KCNIP2: variants seen among roughly 807,000 people sequenced by gnomAD.
KCNIP2 encodes the protein potassium voltage-gated channel interacting protein 2.
KCNIP2 carries 19 observed loss-of-function variants against 39.0 expected under a neutral mutation model. The ratio of observed to expected loss-of-function variants is 0.49; its 90% CI spans 0.34 to 0.71. KCNIP2 has a LOEUF of 0.71. Among genes scored for constraint, KCNIP2 ranks in the 30% least tolerant of loss-of-function variants. The pLI, the probability that KCNIP2 is intolerant of heterozygous loss-of-function variation, is 0.01. For missense variants in KCNIP2, 261 were observed against 346.0 expected (o/e 0.75, Z 1.95); for synonymous variants, 111 against 131.2 (o/e 0.85, Z 1.05).
intron 1 of KCNIP2, chr10:101,834,203 C>T (rs560515224): frequency 1.3e-4 from 51 of 399,126 alleles, no homozygotes; most frequent in African/African-American, 1.0e-3. Flanking sequence ...AACACCCTCC[C>T]TAGTGCTGTG....
At chr10:101,836,256 A>C (rs1259551570) in intron 1 of KCNIP2, among the ~76,000 whole-genome samples, 3 of 149,764 alleles carry the variant, frequency 2.0e-5, no homozygotes, top group Admixed American at 1.3e-4. Flanking sequence ...ATGACGCTTC[A>C]CACAGGCTTT....
At chr10:101,829,577 C>G (rs2065886435) in intron 3 of KCNIP2, 1 of 485,062 alleles carries the variant, frequency 2.1e-6, no homozygotes, top group Non-Finnish European at 3.6e-6. Context: ...CGGGGACCAA[C>G]TCAGATCCGC....
Position 101,831,150 on chromosome 10 carries a change from T to C in KCNIP2, c.91A>G (p.Thr31Ala), listed in dbSNP as rs751058723. 1.2e-5 allele frequency: 19 copies of C among 1,608,638 alleles called. No individual in the cohort carries two copies. The Admixed American group carries it at 1.9e-4, about 16-fold the overall frequency. Reference sequence around the variant, plus strand: ...AATCGCTGCTTCAGCGCTTTTTTAGTGGGCCCTGGAGGGTGGCCTGGGAAG... The same window carrying C: ...AATCGCTGCTTCAGCGCTTTTTTAGCGGGCCCTGGAGGGTGGCCTGGGAAG... ...DQLTGHPPGP[T>A]KKALKQRFLK... The change falls in exon 2 of 10, where the codon ACT becomes GCT. Residue 31 changes from threonine (T) to alanine (A), a missense_variant. Coordinates refer to ENST00000356640, the MANE Select transcript of KCNIP2 (RefSeq NM_173191.3).
At chr10:101,827,844 C>T in intron 8 of KCNIP2, 45 bp downstream of exon 8, 5 of 1,559,788 alleles carry the variant, frequency 3.2e-6, no homozygotes, top group Non-Finnish European at 3.5e-6. Flanking sequence ...TCTTGGCCTT[C>T]TTCCCTTCAC....
At chr10:101,839,098 A>G (rs917598313) in intron 1 of KCNIP2, among the ~76,000 whole-genome samples, 2 of 152,222 alleles carry the variant, frequency 1.3e-5, no homozygotes, top group African/African-American at 4.8e-5. Flanking sequence ...AGGTACACAC[A>G]GTCTCAGTGT....
chr10:101,836,274 CTTTTTTT>C (rs976487755), intron 1 of KCNIP2, among the ~76,000 whole-genome samples: 1 of 124,660 alleles, frequency 8.0e-6, no homozygotes, highest in Admixed American at 8.3e-5. Flanking sequence ...TTTTTTTTCT[CTTTTTTT>C]TTTTTTTTTT....
Position 101,838,734 on chromosome 10 carries a change from T to G in KCNIP2, c.73+4762A>C, listed in dbSNP as rs2066234269. Among the ~76,000 whole-genome samples the G allele has an allele frequency of 6.6e-6, 1 of 152,098 alleles. No homozygotes were observed. Among genetic ancestry groups the G allele is most frequent in the Non-Finnish European group, 1.5e-5 (1 of 68,002 alleles). ...CAGGACCATCCATCTACCCTCCTTT[T>G]GGGGGACAGATGGCAAGGAGAGGCC... On this transcript the variant is annotated intron_variant, in intron 1 of 9. Coordinates refer to ENST00000356640, the MANE Select transcript of KCNIP2 (RefSeq NM_173191.3). This position sits in a 1 kb window ranked among gnomAD's most constrained non-coding sequence, Gnocchi z 4.0.
chr10:101,828,270 G>A lies in KCNIP2; in HGVS notation c.490-12C>T. ...CCAGCCACAAAGTCCTGGGAAGGAG[G>A]CAGGAGGGAGCTGTGTCCTCGGGTA... On this transcript the variant is annotated splice_polypyrimidine_tract_variant and intron_variant, in intron 6 of 9. Transcript: ENST00000356640. This position sits in a 1 kb window ranked among gnomAD's most constrained non-coding sequence, Gnocchi z 6.6. 6.2e-7 allele frequency: 1 copy of A among 1,612,656 alleles called. No individual in the cohort carries two copies. The highest frequency in any genetic ancestry group is 8.5e-7 in the Non-Finnish European group (1 of 1,178,646).
chr10:101,832,756 C>T (rs2066038472), intron 1 of KCNIP2, among the ~76,000 whole-genome samples: 1 of 152,174 alleles, frequency 6.6e-6, no homozygotes, highest in Non-Finnish European at 1.5e-5. Context: ...GGTGGCTCTC[C>T]TGCCCCCCAC....
In KCNIP2 at chr10:101,828,524, C is replaced by A. The variant is rs1055613832; in HGVS notation, c.419-65G>T. On this transcript the variant is annotated intron_variant, in intron 5 of 9. Coordinates refer to ENST00000356640, the MANE Select transcript of KCNIP2 (RefSeq NM_173191.3). The surrounding 1 kb of genome is among the most constrained non-coding windows in gnomAD (Gnocchi z 6.6). ...GAGGACTTCCTCCCTCTAAGGAGCTCCCCATACCCCCCATCACCTTGGCAT... is the reference window on the plus strand; with the variant it reads ...GAGGACTTCCTCCCTCTAAGGAGCTACCCATACCCCCCATCACCTTGGCAT... 6.3e-7 allele frequency: 1 copy of A among 1,596,104 alleles called. No homozygotes were observed. The highest frequency in any genetic ancestry group is 1.3e-5 in the African/African-American group (1 of 74,624).
Position 101,828,636 on chromosome 10 carries a change from G to A in KCNIP2, c.409C>T (p.Pro137Ser), listed in dbSNP as rs2065835872. The change falls in exon 5 of 10, where the codon CCT becomes TCT. Residue 137 changes from proline to serine, a missense_variant. Coordinates refer to ENST00000356640, the MANE Select transcript of KCNIP2 (RefSeq NM_173191.3). This position sits in a 1 kb window ranked among gnomAD's most constrained non-coding sequence, Gnocchi z 6.6. ...GGCCTTGTCCCCTCACCTCCTTGAG[G>A]AAAGAACTGGGAGTAAATCTGCTTG... ...NFKQIYSQFFPQGDSSTYATF... is the reference protein window; with the variant it reads ...NFKQIYSQFFSQGDSSTYATF... The A allele has an allele frequency of 3.1e-6, 5 of 1,613,992 alleles. No individual in the cohort carries two copies. The highest frequency in any genetic ancestry group is 3.4e-6 in the Non-Finnish European group (4 of 1,180,004).
In KCNIP2 at chr10:101,839,767, C is replaced by G. The variant is rs369876098; in HGVS notation, c.73+3729G>C. On this transcript the variant is annotated intron_variant, in intron 1 of 9. Transcript: ENST00000356640. ...CCTCATCATACCTGGGGACAGCGAC[C>G]CAGTCACCAGCTGGTAGAGGGATCG... The G allele has an allele frequency of 6.2e-6, 10 of 1,612,722 alleles. No individual in the cohort carries two copies. In the African/African-American group the frequency reaches 9.4e-5, roughly 15 times the overall value.
At chr10:101,842,716 G>A (rs185924999) in intron 1 of KCNIP2, among the ~76,000 whole-genome samples, 1 of 152,268 alleles carries the variant, frequency 6.6e-6, no homozygotes, top group Admixed American at 6.5e-5. Context: ...ATTGGTGAAG[G>A]AGTGGGGTGT....
intron 1 of KCNIP2, among the ~76,000 whole-genome samples, 163 bp from the exon 2 acceptor site, chr10:101,831,330 G>A (rs2065985349): frequency 6.6e-6 from 1 of 152,192 alleles, no homozygotes. Context: ...CGGGTTAGGG[G>A]AGCCCAGTGA....
At chr10:101,839,432 C>A (rs574750169) in intron 1 of KCNIP2, among the ~76,000 whole-genome samples, 1 of 152,258 alleles carries the variant, frequency 6.6e-6, no homozygotes, top group South Asian at 2.1e-4. Context: ...CTCCTTTCAT[C>A]CCTGGGAGGC....
At chr10:101,840,216 C>T (rs979050714) in intron 1 of KCNIP2, among the ~76,000 whole-genome samples, 1 of 152,002 alleles carries the variant, frequency 6.6e-6, no homozygotes, top group Non-Finnish European at 1.5e-5. Context: ...TTCAGCCCCC[C>T]TTTCTCCGCC....
chr10:101,828,886 C>A lies in KCNIP2; in HGVS notation c.348+189G>T. The A allele has an allele frequency of 6.5e-7, 1 of 1,542,632 alleles. No homozygotes were observed. The highest frequency in any genetic ancestry group is 2.4e-5 in the East Asian group (1 of 40,890). On this transcript the variant is annotated intron_variant, in intron 4 of 9. Transcript: ENST00000356640. This position sits in a 1 kb window ranked among gnomAD's most constrained non-coding sequence, Gnocchi z 6.6. ...CACAAATAAAAAACATGGAACGAAA[C>A]TGACAGTCTACAGGCGCCACTTCCG...
chr10:101,828,151 C>G lies in KCNIP2; in HGVS notation c.597G>C (p.Glu199Asp), dbSNP rs201641890. The change falls in exon 7 of 10, where the codon GAG becomes GAC. Residue 199 changes from glutamate (E) to aspartate (D), a missense_variant and splice_region_variant. Glu to Asp is a conservative substitution (Grantham distance 45). Transcript: ENST00000356640. This position sits in a 1 kb window ranked among gnomAD's most constrained non-coding sequence, Gnocchi z 6.6. Reference protein sequence around the residue: ...DLNKDGCITKEEMLDIMKSIY... With the variant: ...DLNKDGCITKDEMLDIMKSIY... ...CCCCAGCCCTTCAGTTGCCCTGCAC[C>G]TCCTTGGTGATGCAGCCGTCCTTGT... is the stretch of plus-strand genomic sequence containing the variant. The G allele has an allele frequency of 3.7e-6, 6 of 1,613,676 alleles. No homozygotes were observed.
intron 1 of KCNIP2, among the ~76,000 whole-genome samples, chr10:101,837,442 G>A (rs1039196243): frequency 6.6e-6 from 1 of 152,014 alleles, no homozygotes; most frequent in African/African-American, 2.4e-5. Flanking sequence ...AGGCCGAGGC[G>A]GGTGGATCAC....
Sources: gnomAD v4.1 joint callset for allele counts (sites outside exome capture counted in the v4.1 genomes callset) on GRCh38, gnomAD v4.1.1 for gene constraint, Gnocchi (gnomAD v3.1) non-coding constraint, MANE v1.5 for transcripts, NCBI Gene and HGNC (gene_info 2026-07-23, HGNC 2026-07-21) for gene names.